Variants in NEGR1 observed in about 807,000 individuals in gnomAD.
The protein encoded by NEGR1 is neuronal growth regulator 1.
Under a neutral mutation model 40.9 loss-of-function variants are expected in NEGR1, and 10 were observed. The observed-to-expected ratio is 0.24, with a 90% CI of 0.15 to 0.42. The LOEUF (loss-of-function observed/expected upper bound fraction) is 0.42, where lower values mean the gene tolerates loss of function less well. Ranked by LOEUF, NEGR1 falls within the 10% of genes least tolerant of loss-of-function variation. The pLI, the probability that NEGR1 is intolerant of heterozygous loss-of-function variation, is 1.00. For synonymous variants in NEGR1, 185 were observed against 166.8 expected (o/e 1.11, Z -0.84); for missense variants, 352 against 438.9 (o/e 0.80, Z 1.77).
At chr1:71,496,669 ACCCT>A (rs1646965941) in intron 6 of NEGR1, among the ~76,000 whole-genome samples, 1 of 151,992 alleles carries the variant, frequency 6.6e-6, no homozygotes, top group African/African-American at 2.4e-5. Context: ...GCCCTGAAGG[ACCCT>A]AAATTGGGAC....
chr1:72,098,000 T>C (rs1014922979), intron 1 of NEGR1, among the ~76,000 whole-genome samples: 7 of 152,226 alleles, frequency 4.6e-5, no homozygotes, highest in Non-Finnish European at 1.0e-4. Flanking sequence ...ATCTGGCTCC[T>C]GGCTTAAAAC....
At chr1:71,998,456 A>C (rs1223923532) in intron 1 of NEGR1, among the ~76,000 whole-genome samples, 1 of 151,862 alleles carries the variant, frequency 6.6e-6, no homozygotes, top group African/African-American at 2.4e-5. Context: ...CAGAAGTCTA[A>C]TTTTTCATTC....
chr1:72,042,264 C>T (rs1646963478), intron 1 of NEGR1, among the ~76,000 whole-genome samples: 1 of 151,732 alleles, frequency 6.6e-6, no homozygotes, highest in South Asian at 2.1e-4. Context: ...AAGTGTTTCA[C>T]TTGGACCACT....
Position 71,539,070 on chromosome 1 carries a change from C to T in NEGR1, c.940+53747G>A, listed in dbSNP as rs139485352. Among the ~76,000 whole-genome samples, 51 of 151,846 alleles carry T rather than the reference C, an allele frequency of 3.4e-4. No individual in the cohort carries two copies. The East Asian group carries it at 9.8e-3, about 29-fold the overall frequency. ...TTTCTGGAGGAAACTTACTTAGCATCAAATCCTGGCTCCAGTACTTAGGAG... is the reference window on the plus strand; with the variant it reads ...TTTCTGGAGGAAACTTACTTAGCATTAAATCCTGGCTCCAGTACTTAGGAG... On this transcript the variant is annotated intron_variant, in intron 6 of 6. Coordinates refer to ENST00000357731, the MANE Select transcript of NEGR1 (RefSeq NM_173808.3).
intron 3 of NEGR1, among the ~76,000 whole-genome samples, chr1:71,706,714 G>A (rs993969596): frequency 6.6e-6 from 1 of 151,852 alleles, no homozygotes; most frequent in Non-Finnish European, 1.5e-5. Context: ...CCAGGCCCTA[G>A]CTTCCAGATG....
At chr1:71,902,740 A>G (rs1661174443) in intron 2 of NEGR1, among the ~76,000 whole-genome samples, 1 of 152,108 alleles carries the variant, frequency 6.6e-6, no homozygotes, top group Admixed American at 6.6e-5. Context: ...CATTTTTGAA[A>G]TTTTTATTTT....
chr1:72,163,190 T>A (rs1651646534), intron 1 of NEGR1, among the ~76,000 whole-genome samples: 1 of 152,170 alleles, frequency 6.6e-6, no homozygotes, highest in Non-Finnish European at 1.5e-5. Flanking sequence ...CGAATTTAAT[T>A]ATGCTATTTA....
At chr1:71,992,424 C>T (rs1031004448) in intron 1 of NEGR1, among the ~76,000 whole-genome samples, 1 of 151,778 alleles carries the variant, frequency 6.6e-6, no homozygotes, top group African/African-American at 2.4e-5. Context: ...TGGCACTACC[C>T]AGTTGAAATA....
intron 1 of NEGR1, among the ~76,000 whole-genome samples, chr1:72,203,970 T>C (rs1297168622): frequency 6.6e-6 from 1 of 152,118 alleles, no homozygotes; most frequent in Non-Finnish European, 1.5e-5. Flanking sequence ...GTACACTTAA[T>C]AGACTTCAGT....
chr1:72,240,527 GA>G (rs1414394706), intron 1 of NEGR1, among the ~76,000 whole-genome samples: 1 of 151,750 alleles, frequency 6.6e-6, no homozygotes, highest in African/African-American at 2.4e-5. Context: ...ATTGTAACAG[GA>G]GATAAAACTT....
intron 6 of NEGR1, among the ~76,000 whole-genome samples, chr1:71,531,322 T>C (rs951712222): frequency 6.6e-6 from 1 of 151,394 alleles, no homozygotes; most frequent in Middle Eastern, 3.2e-3. Flanking sequence ...TTTTAATTTA[T>C]GAGGACTTCA....
At chr1:72,044,067 A>G (rs955210358) in intron 1 of NEGR1, among the ~76,000 whole-genome samples, 3 of 151,796 alleles carry the variant, frequency 2.0e-5, no homozygotes, top group African/African-American at 7.2e-5. Context: ...ACCCCCCCAT[A>G]CCAATCTGTA....
In NEGR1 at chr1:72,054,408, T is replaced by C. The variant is rs78403495; in HGVS notation, c.177-119097A>G. Among the ~76,000 whole-genome samples, 990 of 151,468 alleles carry C rather than the reference T, an allele frequency of 6.5e-3. 25 individuals carry two copies. The highest frequency in any genetic ancestry group is 0.049 in the East Asian group (252 of 5,144). On this transcript the variant is annotated intron_variant, in intron 1 of 6. Transcript: ENST00000357731. ...TGAGCCTTCAGTGTTAGACTGTAGA[T>C]TCTTTGGAACTGATTATTATTCTAC...
intron 4 of NEGR1, among the ~76,000 whole-genome samples, chr1:71,667,538 G>GC (rs1433436238): frequency 1.3e-5 from 2 of 152,298 alleles, no homozygotes; most frequent in Non-Finnish European, 2.9e-5. Flanking sequence ...GTAAGAGACA[G>GC]CTGTGTAAAT....
intron 1 of NEGR1, among the ~76,000 whole-genome samples, chr1:71,966,356 C>G (rs78541407): frequency 2.4e-4 from 36 of 152,260 alleles, no homozygotes; most frequent in African/African-American, 8.4e-4. Flanking sequence ...TTAATATGTG[C>G]ATGGATCGAA....
In NEGR1 at chr1:71,399,404, T is replaced by G. The variant is rs1240817789; in HGVS notation, c.*8042A>C. The G allele has an allele frequency of 6.6e-6, 1 of 152,200 alleles. No individual in the cohort carries two copies. The highest frequency in any genetic ancestry group is 1.9e-4 in the East Asian group (1 of 5,200). 9.4% of individuals were successfully genotyped at this position (152,200 alleles called of 1,614,324 possible). A position where few individuals can be genotyped will look rare whatever the true frequency, so the allele number is the denominator to read the frequency against. On this transcript the variant is annotated 3_prime_UTR_variant, in exon 7 of 7. Coordinates refer to ENST00000357731, the MANE Select transcript of NEGR1 (RefSeq NM_173808.3). ...TACAAGAAATTAATTTATTCCAAAT[T>G]TTTTTAAAAATCTGCTTTTCTCCAT...
intron 2 of NEGR1, among the ~76,000 whole-genome samples, chr1:71,847,409 A>AT (rs1219731735): frequency 2.6e-5 from 4 of 151,874 alleles, no homozygotes; most frequent in East Asian, 1.9e-4. Context: ...TATCAGCACC[A>AT]TTTTTTCAAC....
chr1:72,054,083 C>T (rs1383557997), intron 1 of NEGR1, among the ~76,000 whole-genome samples: 10 of 151,236 alleles, frequency 6.6e-5, no homozygotes. Context: ...ATAATAGGTA[C>T]ATTAGCTAGA....
chr1:71,932,075 A>G (rs1645860396), intron 2 of NEGR1, among the ~76,000 whole-genome samples: 1 of 152,146 alleles, frequency 6.6e-6, no homozygotes, highest in Non-Finnish European at 1.5e-5. Context: ...TCCAAATTTC[A>G]TAAATACATA....
Sources: gnomAD v4.1 joint callset for allele counts (sites outside exome capture counted in the v4.1 genomes callset) on GRCh38, gnomAD v4.1.1 for gene constraint, MANE v1.5 for transcripts, NCBI Gene and HGNC (gene_info 2026-07-23, HGNC 2026-07-21) for gene names.